The following IQCM variants were observed in gnomAD, a reference collection of about 807,000 sequenced individuals.
IQCM encodes IQ domain-containing protein M.
IQCM carries 45 observed loss-of-function variants against 57.6 expected under a neutral mutation model. That is an observed-to-expected ratio of 0.78 (90% CI 0.62 to 1.00). The LOEUF is 1.00. Ranked by LOEUF, IQCM falls within the 50% of genes least tolerant of loss-of-function variation. The pLI is 0.00. For missense variants in IQCM, 468 were observed against 511.6 expected (o/e 0.91, Z 0.82); for synonymous variants, 148 against 158.9 (o/e 0.93, Z 0.51).
At chr4:149,486,539 G>C (rs948175909) in intron 12 of IQCM, among the ~76,000 whole-genome samples, 17 of 152,180 alleles carry the variant, frequency 1.1e-4, no homozygotes, top group Admixed American at 9.2e-4. Context: ...ACAAGGTCAG[G>C]AGTTCAAGTC....
At chr4:149,353,284 A>C (rs1480131272) in intron 13 of IQCM, among the ~76,000 whole-genome samples, 1 of 152,204 alleles carries the variant, frequency 6.6e-6, no homozygotes, top group South Asian at 2.1e-4. Flanking sequence ...TCTAGATAAC[A>C]AATGTTAGCA....
At position 149,388,841 on chromosome 4, in the gene IQCM, G is replaced by A. The variant is rs1008370751; in HGVS notation, c.1391-36775C>T. The stretch of plus-strand genomic sequence containing the variant: ...CATTCTTTGCCTATTTTTAAATTAG[G>A]TTGCCTTTTATTATAAATGTTCTTA... On this transcript the variant is annotated intron_variant, in intron 13 of 13. Coordinates refer to ENST00000636793, the MANE Select transcript of IQCM (RefSeq NM_001363507.2). 2.7e-5 allele frequency among the ~76,000 whole-genome samples: 4 copies of A among 148,584 alleles called. No homozygotes were observed. In the East Asian group the frequency reaches 7.9e-4, roughly 30 times the overall value.
At chr4:149,429,591 C>A (rs1334693524) in intron 13 of IQCM, among the ~76,000 whole-genome samples, 1 of 151,826 alleles carries the variant, frequency 6.6e-6, no homozygotes, top group Non-Finnish European at 1.5e-5. Context: ...TCTATTTACT[C>A]CTTGGTTCTT....
At chr4:149,506,887 C>A (rs1743874131) in intron 12 of IQCM, among the ~76,000 whole-genome samples, 1 of 152,000 alleles carries the variant, frequency 6.6e-6, no homozygotes, top group African/African-American at 2.4e-5. Flanking sequence ...CAAGATAGAG[C>A]AATAGTGAAA....
intron 7 of IQCM, among the ~76,000 whole-genome samples, chr4:149,665,030 G>A (rs1760584145): frequency 6.6e-6 from 1 of 152,130 alleles, no homozygotes; most frequent in South Asian, 2.1e-4. Context: ...TTGGACCTAG[G>A]CTCTGGGCAG....
At chr4:149,451,836 C>T (rs891517615) in intron 12 of IQCM, among the ~76,000 whole-genome samples, 22 of 151,706 alleles carry the variant, frequency 1.5e-4, no homozygotes, top group Non-Finnish European at 3.0e-4. Flanking sequence ...TAACAAAGCA[C>T]TTCCTTTCAC....
chr4:149,643,948 A>G (rs886122222), intron 7 of IQCM, among the ~76,000 whole-genome samples: 2 of 152,156 alleles, frequency 1.3e-5, no homozygotes, highest in African/African-American at 4.8e-5. Context: ...CTTACTCTTC[A>G]CATTTAATGG....
chr4:149,478,396 G>A (rs1740429078), intron 12 of IQCM, among the ~76,000 whole-genome samples: 1 of 152,164 alleles, frequency 6.6e-6, no homozygotes, highest in African/African-American at 2.4e-5. Flanking sequence ...CTCCAGCCTG[G>A]AACAAGGGTT....
At chr4:149,505,807 T>C (rs1453565111) in intron 12 of IQCM, among the ~76,000 whole-genome samples, 2 of 152,238 alleles carry the variant, frequency 1.3e-5, no homozygotes, top group African/African-American at 4.8e-5. Flanking sequence ...ATCTGGTTGT[T>C]ACTTTTCCCC....
At chr4:149,732,193 T>C (rs1009227208) in intron 5 of IQCM, among the ~76,000 whole-genome samples, 9 of 152,172 alleles carry the variant, frequency 5.9e-5, no homozygotes, top group Admixed American at 2.0e-4. Flanking sequence ...AGGTCTACTA[T>C]TATATTCCCT....
At chr4:149,402,595 A>G (rs570731984) in intron 13 of IQCM, among the ~76,000 whole-genome samples, 1 of 151,802 alleles carries the variant, frequency 6.6e-6, no homozygotes, top group Non-Finnish European at 1.5e-5. Context: ...ACTTATGTAC[A>G]TTCAATAAAC....
At chr4:149,581,783 C>T (rs1289398421) in intron 9 of IQCM, among the ~76,000 whole-genome samples, 1 of 151,594 alleles carries the variant, frequency 6.6e-6, no homozygotes, top group African/African-American at 2.4e-5. Flanking sequence ...GCATCTGTTT[C>T]TTTCCTCTGT....
chr4:149,415,461 T>C (rs1733682694), intron 13 of IQCM, among the ~76,000 whole-genome samples: 1 of 152,184 alleles, frequency 6.6e-6, no homozygotes, highest in African/African-American at 2.4e-5. Context: ...TTTATAATTC[T>C]TTCTGTAAAT....
intron 5 of IQCM, among the ~76,000 whole-genome samples, chr4:149,687,192 G>A (rs915564731): frequency 2.0e-5 from 3 of 151,478 alleles, no homozygotes; most frequent in African/African-American, 7.3e-5. Context: ...AAAATTACAG[G>A]CTAGATGGAT....
intron 13 of IQCM, among the ~76,000 whole-genome samples, chr4:149,382,509 G>A (rs1731147285): frequency 6.6e-6 from 1 of 152,040 alleles, no homozygotes; most frequent in African/African-American, 2.4e-5. Context: ...GTTTTAATAT[G>A]ACACCATGGC....
intron 12 of IQCM, among the ~76,000 whole-genome samples, chr4:149,471,847 A>G (rs1376132740): frequency 6.6e-6 from 1 of 152,216 alleles, no homozygotes. Context: ...AATCCATCAT[A>G]TAAACAGAAC....
At position 149,812,834 on chromosome 4, in the gene IQCM, G is replaced by T. The variant is rs565049273; in HGVS notation, c.-49+2477C>A. On this transcript the variant is annotated intron_variant, in intron 2 of 13. Coordinates refer to ENST00000636793, the MANE Select transcript of IQCM (RefSeq NM_001363507.2). Reference sequence around the variant, plus strand: ...TCTGCTCTGGCTAATTGTGTATTTTGCCCTCCCCTACACCCAGGTGACAAT... The same window carrying T: ...TCTGCTCTGGCTAATTGTGTATTTTTCCCTCCCCTACACCCAGGTGACAAT... Among the ~76,000 whole-genome samples the T allele has an allele frequency of 2.0e-5, 3 of 152,076 alleles. No individual in the cohort carries two copies. In the East Asian group the frequency reaches 5.8e-4, roughly 29 times the overall value.
chr4:149,593,994 C>T (rs1290005010), intron 8 of IQCM, among the ~76,000 whole-genome samples: 3 of 152,130 alleles, frequency 2.0e-5, no homozygotes, highest in African/African-American at 4.8e-5. Context: ...GGAGGATTCC[C>T]TCTTTTTCTA....
At chr4:149,564,120 A>G (rs1339071482) in intron 9 of IQCM, among the ~76,000 whole-genome samples, 1 of 152,190 alleles carries the variant, frequency 6.6e-6, no homozygotes, top group Non-Finnish European at 1.5e-5. Flanking sequence ...ATGAAAAGAA[A>G]TCCAAAAGAA....
Sources: allele counts gnomAD v4.1 joint callset (sites outside exome capture counted in the v4.1 genomes callset), GRCh38; gene constraint gnomAD v4.1.1; transcripts MANE v1.5; gene names NCBI Gene and HGNC (gene_info 2026-07-23, HGNC 2026-07-21).